Variants in NKAIN3 observed in about 807,000 individuals in gnomAD.
NKAIN3 encodes sodium/potassium transporting ATPase interacting 3.
In NKAIN3, 25 loss-of-function variants were observed where a neutral mutation model predicts 30.2. That is an observed-to-expected ratio of 0.83 (90% confidence interval 0.60 to 1.16). The LOEUF is 1.16. Among genes scored for constraint, NKAIN3 ranks in the 50% most tolerant of loss-of-function variants. The pLI is 0.00. For synonymous variants in NKAIN3, 91 were observed against 89.6 expected, an observed-to-expected ratio of 1.02 and a Z score of -0.09; for missense variants, 225 against 254.1, an observed-to-expected ratio of 0.89 and a Z score of 0.78.
intron 5 of NKAIN3, among the ~76,000 whole-genome samples, chr8:62,949,460 G>A (rs1823218435): frequency 6.6e-6 from 1 of 152,180 alleles, no homozygotes; most frequent in South Asian, 2.1e-4. Flanking sequence ...ATCCTTGTCA[G>A]GAATTGGTGG....
intron 4 of NKAIN3, chr8:62,855,404 T>C (rs985053108): frequency 9.0e-6 from 8 of 887,778 alleles, no homozygotes; most frequent in Middle Eastern, 7.0e-4. Flanking sequence ...CAGCATGCCC[T>C]TGCTGATATT....
intron 3 of NKAIN3, among the ~76,000 whole-genome samples, chr8:62,651,250 C>A (rs915267851): frequency 3.3e-5 from 5 of 152,002 alleles, no homozygotes; most frequent in African/African-American, 7.2e-5. Flanking sequence ...AATTTTTATT[C>A]ATATTTTATA....
At chr8:62,565,542 A>G (rs1809722812) in intron 1 of NKAIN3, among the ~76,000 whole-genome samples, 1 of 152,170 alleles carries the variant, frequency 6.6e-6, no homozygotes, top group South Asian at 2.1e-4. Flanking sequence ...TTCAGTATAA[A>G]TGGCAGAGCC....
intron 4 of NKAIN3, among the ~76,000 whole-genome samples, chr8:62,828,845 T>C (rs1819107842): frequency 6.6e-6 from 1 of 152,154 alleles, no homozygotes. Flanking sequence ...GACTCCTGGC[T>C]GAGCTCCCAG....
intron 1 of NKAIN3, among the ~76,000 whole-genome samples, chr8:62,536,726 A>G (rs927476844): frequency 1.1e-4 from 16 of 152,200 alleles, no homozygotes; most frequent in Non-Finnish European, 1.8e-4. Flanking sequence ...TGACAAGTGA[A>G]GCAGTTAGAG....
chr8:62,570,631 A>G (rs1222570604), intron 1 of NKAIN3, among the ~76,000 whole-genome samples: 1 of 152,126 alleles, frequency 6.6e-6, no homozygotes, highest in East Asian at 1.9e-4. Context: ...CGCCCCCGTG[A>G]TTCAATCATC....
intron 4 of NKAIN3, among the ~76,000 whole-genome samples, chr8:62,792,028 A>C (rs957327592): frequency 1.3e-5 from 2 of 152,134 alleles, no homozygotes; most frequent in Admixed American, 1.3e-4. Context: ...TCCAGGTATC[A>C]CTACCTCTTT....
chr8:62,305,330 G>A (rs1814195146), intron 1 of NKAIN3, among the ~76,000 whole-genome samples: 1 of 150,258 alleles, frequency 6.7e-6, no homozygotes. Flanking sequence ...GGTTTTAAAG[G>A]GAGAAATCGA....
intron 1 of NKAIN3, among the ~76,000 whole-genome samples, chr8:62,314,797 T>G (rs1814558620): frequency 1.3e-5 from 2 of 152,204 alleles, no homozygotes; most frequent in Admixed American, 1.3e-4. Flanking sequence ...TTGCAGCAGA[T>G]TTTTAAAACA....
chr8:62,575,192 A>G (rs1056076521), intron 1 of NKAIN3, among the ~76,000 whole-genome samples: 1 of 152,128 alleles, frequency 6.6e-6, no homozygotes, highest in East Asian at 1.9e-4. Context: ...CCTTGTTTGC[A>G]GATGATATGA....
intron 1 of NKAIN3, among the ~76,000 whole-genome samples, chr8:62,478,373 C>T (rs1480854195): frequency 6.6e-6 from 1 of 152,172 alleles, no homozygotes; most frequent in East Asian, 1.9e-4. Flanking sequence ...ATGGCCACTG[C>T]CAAAATGATT....
intron 3 of NKAIN3, among the ~76,000 whole-genome samples, chr8:62,664,387 A>T (rs779554243): frequency 6.6e-6 from 1 of 152,092 alleles, no homozygotes; most frequent in Non-Finnish European, 1.5e-5. Context: ...TCCTGAACCC[A>T]CCCAAATCAA....
chr8:62,807,494 T>C (rs1264740124), intron 4 of NKAIN3, among the ~76,000 whole-genome samples: 1 of 151,960 alleles, frequency 6.6e-6, no homozygotes, highest in East Asian at 1.9e-4. Context: ...TGTCTTCATA[T>C]TCTTTCTGCT....
intron 1 of NKAIN3, among the ~76,000 whole-genome samples, chr8:62,492,134 G>A (rs373220499): frequency 6.6e-6 from 1 of 152,038 alleles, no homozygotes; most frequent in African/African-American, 2.4e-5. Context: ...TGTAGAAAAC[G>A]TTTTCAAGAA....
intron 1 of NKAIN3, among the ~76,000 whole-genome samples, chr8:62,395,065 T>G (rs1253304828): frequency 0.011 from 732 of 65,068 alleles, no homozygotes; most frequent in Middle Eastern, 0.026. Flanking sequence ...AGACGGTGGG[T>G]CGGCCAGGCA....
At chr8:62,512,727 G>A (rs756490745) in intron 1 of NKAIN3, among the ~76,000 whole-genome samples, 3 of 83,914 alleles carry the variant, frequency 3.6e-5, no homozygotes, top group African/African-American at 7.3e-5. Flanking sequence ...TGAAGCTGCT[G>A]CCACAAAGAA....
At chr8:62,516,569 T>C (rs1807997088) in intron 1 of NKAIN3, among the ~76,000 whole-genome samples, 1 of 152,160 alleles carries the variant, frequency 6.6e-6, no homozygotes, top group Admixed American at 6.6e-5. Flanking sequence ...GTATCAAATT[T>C]ATATGTAAAC....
chr8:62,994,520 T>G (rs1353867726), intron 5 of NKAIN3, among the ~76,000 whole-genome samples: 1 of 152,254 alleles, frequency 6.6e-6, no homozygotes, highest in Non-Finnish European at 1.5e-5. Context: ...GGAGACATTT[T>G]AGGCTTTCCT....
At chr8:62,731,955 A>ATT (rs200192526) in intron 3 of NKAIN3, among the ~76,000 whole-genome samples, 28 of 146,710 alleles carry the variant, frequency 1.9e-4, no homozygotes, top group African/African-American at 7.0e-4. Context: ...TTGAGATTTC[A>ATT]TTTTTTTTTT....
Sources: allele counts gnomAD v4.1 joint callset (sites outside exome capture counted in the v4.1 genomes callset), GRCh38; gene constraint gnomAD v4.1.1; transcripts MANE v1.5; gene names NCBI Gene and HGNC (gene_info 2026-07-23, HGNC 2026-07-21).